PACSIN1: variants seen among roughly 807,000 people sequenced by gnomAD.
PACSIN1 encodes protein kinase C and casein kinase substrate in neurons 1, also known as protein kinase C and casein kinase substrate in neurons protein 1.
PACSIN1 carries 15 observed loss-of-function variants against 59.5 expected under a neutral mutation model. The ratio of observed to expected loss-of-function variants is 0.25; its 90% CI spans 0.17 to 0.39. PACSIN1 has a LOEUF of 0.39. Among genes scored for constraint, PACSIN1 ranks in the 10% least tolerant of loss-of-function variants. PACSIN1 has a pLI of 1.00. For synonymous variants in PACSIN1, 210 were observed against 220.6 expected (o/e 0.95, Z 0.42); for missense variants, 420 against 580.2 (o/e 0.72, Z 2.84).
intron 1 of PACSIN1, among the ~76,000 whole-genome samples, chr6:34,520,691 C>T (rs534115640): frequency 6.6e-5 from 10 of 152,164 alleles, no homozygotes; most frequent in East Asian, 3.9e-4. Context: ...ATGCCGCCTG[C>T]GTGCTGCAGT....
In PACSIN1 at chr6:34,529,674, G is replaced by T; in HGVS notation, c.621G>T (p.Glu207Asp). 1 of 1,614,052 alleles carries T rather than the reference G, an allele frequency of 6.2e-7. No homozygotes were observed. Among genetic ancestry groups the T allele is most frequent in the East Asian group, 2.2e-5 (1 of 44,874 alleles). Residue 207 changes from glutamate (E) to aspartate (D), a missense_variant, in exon 6 of 10, where the codon GAG (glutamate) becomes GAT (aspartate). Glu to Asp is a conservative substitution (Grantham distance 45). Coordinates refer to ENST00000244458, the MANE Select transcript of PACSIN1 (RefSeq NM_020804.5). This position sits in a 1 kb window ranked among gnomAD's most constrained non-coding sequence, Gnocchi z 6.3. ...KCKQDVQKTQ[E>D]KYEKVLEDVG... is the part of the protein sequence containing the mutation. ...CACTCTGGTGCCCACAGACACAGGAGAAGTATGAGAAAGTGCTGGAAGATG... is the reference window on the plus strand; with the variant it reads ...CACTCTGGTGCCCACAGACACAGGATAAGTATGAGAAAGTGCTGGAAGATG...
Position 34,518,261 on chromosome 6 carries a change from G to A in PACSIN1, c.-63-7982G>A, listed in dbSNP as rs1018855444. ...TCCCTGTGTTGCAAAAACGTGCTGC[G>A]CACTCCCACCAGGAGTGTTGCCCAC... On this transcript the variant is annotated intron_variant, in intron 1 of 9. Coordinates refer to ENST00000244458, the MANE Select transcript of PACSIN1 (RefSeq NM_020804.5). The surrounding 1 kb of genome is among the most constrained non-coding windows in gnomAD (Gnocchi z 4.4). 7.2e-5 allele frequency among the ~76,000 whole-genome samples: 11 copies of A among 152,204 alleles called. No homozygotes were observed. Among genetic ancestry groups the A allele is most frequent in the Admixed American group, 3.3e-4 (5 of 15,294 alleles).
At position 34,516,931 on chromosome 6, in the gene PACSIN1, G is replaced by T. The variant is rs1280003710; in HGVS notation, c.-63-9312G>T. Among the ~76,000 whole-genome samples, 1 of 152,136 alleles carries T rather than the reference G, an allele frequency of 6.6e-6. No homozygotes were observed. The highest frequency in any genetic ancestry group is 1.5e-5 in the Non-Finnish European group (1 of 68,002). ...GGCCTGGAGCTCAGCAGGGGCTGGGGCCTGGGACACAGGAACAATCTGGCT... is the reference window on the plus strand; with the variant it reads ...GGCCTGGAGCTCAGCAGGGGCTGGGTCCTGGGACACAGGAACAATCTGGCT... On this transcript the variant is annotated intron_variant, in intron 1 of 9. Transcript: ENST00000244458. The surrounding 1 kb of genome is among the most constrained non-coding windows in gnomAD (Gnocchi z 5.4).
chr6:34,508,252 C>A (rs983826178), intron 1 of PACSIN1, among the ~76,000 whole-genome samples: 1 of 151,994 alleles, frequency 6.6e-6, no homozygotes, highest in African/African-American at 2.4e-5. Context: ...TACAGACATG[C>A]GCCACCACAC....
chr6:34,470,148 A>T (rs1220095279), intron 1 of PACSIN1, among the ~76,000 whole-genome samples: 1 of 151,956 alleles, frequency 6.6e-6, no homozygotes, highest in Non-Finnish European at 1.5e-5. Context: ...GGATACCTGA[A>T]AACTGGGAGG....
chr6:34,498,113 G>C (rs997428896), intron 1 of PACSIN1, among the ~76,000 whole-genome samples: 1 of 152,162 alleles, frequency 6.6e-6, no homozygotes, highest in Non-Finnish European at 1.5e-5. Context: ...CCAGGCTGGA[G>C]TGCAGTGGCA....
At position 34,515,287 on chromosome 6, in the gene PACSIN1, G is replaced by C. The variant is rs1412449654; in HGVS notation, c.-63-10956G>C. Among the ~76,000 whole-genome samples the C allele has an allele frequency of 6.6e-6, 1 of 152,178 alleles. No homozygotes were observed. The highest frequency in any genetic ancestry group is 1.9e-4 in the East Asian group (1 of 5,174). On this transcript the variant is annotated intron_variant, in intron 1 of 9. Transcript: ENST00000244458. This position sits in a 1 kb window ranked among gnomAD's most constrained non-coding sequence, Gnocchi z 4.4. ...CCTCCTCATCAGGGGGACTGTCCCTGTTGCCTTTCCTCCTCTGTACCTCTT... is the reference window on the plus strand; with the variant it reads ...CCTCCTCATCAGGGGGACTGTCCCTCTTGCCTTTCCTCCTCTGTACCTCTT...
chr6:34,509,631 G>A (rs562331084), intron 1 of PACSIN1, among the ~76,000 whole-genome samples: 1 of 151,562 alleles, frequency 6.6e-6, no homozygotes, highest in South Asian at 2.1e-4. Flanking sequence ...GGATTACATT[G>A]AGTCTGTAGA....
At chr6:34,474,162 T>C in intron 1 of PACSIN1, among the ~76,000 whole-genome samples, 1 of 152,196 alleles carries the variant, frequency 6.6e-6, no homozygotes. Flanking sequence ...TTTTGTTGAT[T>C]GCATCCCTGT....
At chr6:34,524,137 C>T (rs1446002578) in intron 1 of PACSIN1, among the ~76,000 whole-genome samples, 1 of 152,098 alleles carries the variant, frequency 6.6e-6, no homozygotes, top group African/African-American at 2.4e-5. Flanking sequence ...AAGGGTGGAC[C>T]CCAGCAAGTT....
intron 1 of PACSIN1, among the ~76,000 whole-genome samples, chr6:34,489,170 TGA>T (rs944776007): frequency 7.0e-6 from 1 of 143,566 alleles, no homozygotes; most frequent in Non-Finnish European, 1.5e-5. Flanking sequence ...GGTGATAGAG[TGA>T]GAGTTTGTCT....
rs1055372770 is a variant in PACSIN1 at position 34,534,778 on chromosome 6, G to C, written c.*2248G>C. 1 of 152,776 alleles carries C rather than the reference G, an allele frequency of 6.5e-6. No individual in the cohort carries two copies. The highest frequency in any genetic ancestry group is 1.5e-5 in the Non-Finnish European group (1 of 68,150). 9.5% of individuals were successfully genotyped at this position (152,776 alleles called of 1,614,324 possible). A position where few individuals can be genotyped will look rare whatever the true frequency, so the allele number is the denominator to read the frequency against. ...CCCCAGGTCCTCAGGGCCCCAGAGCGGGAGGGTCTCCTACCTGGAAGTCCC... is the reference window on the plus strand; with the variant it reads ...CCCCAGGTCCTCAGGGCCCCAGAGCCGGAGGGTCTCCTACCTGGAAGTCCC... On this transcript the variant is annotated 3_prime_UTR_variant, in exon 10 of 10. Coordinates refer to ENST00000244458, the MANE Select transcript of PACSIN1 (RefSeq NM_020804.5).
At position 34,514,300 on chromosome 6, in the gene PACSIN1, G is replaced by C. The variant is rs1767251166; in HGVS notation, c.-63-11943G>C. 6.6e-6 allele frequency among the ~76,000 whole-genome samples: 1 copy of C among 152,004 alleles called. No individual in the cohort carries two copies. Among genetic ancestry groups the C allele is most frequent in the Non-Finnish European group, 1.5e-5 (1 of 68,012 alleles). On this transcript the variant is annotated intron_variant, in intron 1 of 9. Transcript: ENST00000244458. This position sits in a 1 kb window ranked among gnomAD's most constrained non-coding sequence, Gnocchi z 4.4. The stretch of plus-strand genomic sequence containing the variant: ...GTCTCGGTGCCGACAGCTAGCCCAG[G>C]AACCTTGGACTCTCCAATTCTTTTA...
chr6:34,483,081 T>C (rs776872486), intron 1 of PACSIN1, among the ~76,000 whole-genome samples: 2 of 149,192 alleles, frequency 1.3e-5, no homozygotes, highest in Non-Finnish European at 1.5e-5. Context: ...CATGGCTCAC[T>C]GCAGCCTCGA....
intron 1 of PACSIN1, among the ~76,000 whole-genome samples, chr6:34,501,148 A>G (rs978212144): frequency 6.6e-6 from 1 of 152,118 alleles, no homozygotes; most frequent in Non-Finnish European, 1.5e-5. Context: ...TCCTTCAAGA[A>G]CTTTTTCTTT....
intron 1 of PACSIN1, among the ~76,000 whole-genome samples, chr6:34,473,668 G>A (rs1489275641): frequency 6.6e-6 from 1 of 152,110 alleles, no homozygotes; most frequent in Non-Finnish European, 1.5e-5. Flanking sequence ...GGGGCCTAGG[G>A]CCACTCAACC....
At chr6:34,498,606 T>C (rs1220570553) in intron 1 of PACSIN1, among the ~76,000 whole-genome samples, 1 of 151,902 alleles carries the variant, frequency 6.6e-6, no homozygotes, top group African/African-American at 2.4e-5. Context: ...AAGACCAGTC[T>C]GGGCAACATG....
chr6:34,479,141 C>T (rs1454210496), intron 1 of PACSIN1, among the ~76,000 whole-genome samples: 1 of 152,180 alleles, frequency 6.6e-6, no homozygotes, highest in Non-Finnish European at 1.5e-5. Flanking sequence ...CCTCCCAACA[C>T]AGCCACATTG....
chr6:34,507,540 A>C (rs1002597444), intron 1 of PACSIN1, among the ~76,000 whole-genome samples: 1 of 151,774 alleles, frequency 6.6e-6, no homozygotes, highest in East Asian at 1.9e-4. Flanking sequence ...TTTTCAAAAA[A>C]ACTTTTATTG....
Sources: allele counts gnomAD v4.1 joint callset (sites outside exome capture counted in the v4.1 genomes callset), GRCh38; gene constraint gnomAD v4.1.1; non-coding constraint Gnocchi (gnomAD v3.1); transcripts MANE v1.5; gene names NCBI Gene and HGNC (gene_info 2026-07-23, HGNC 2026-07-21).